Variants in SLC8A2 observed in about 807,000 individuals in gnomAD.
SLC8A2 encodes sodium/calcium exchanger 2.
Under a neutral mutation model 70.2 loss-of-function variants are expected in SLC8A2, and 14 were observed. That is an observed-to-expected ratio of 0.20 (90% confidence interval 0.13 to 0.31). The LOEUF is 0.31. Among genes scored for constraint, SLC8A2 ranks in the 10% least tolerant of loss-of-function variants. SLC8A2 has a pLI of 1.00. For missense variants in SLC8A2, 779 were observed against 1,320.1 expected (o/e 0.59, Z 6.35); for synonymous variants, 575 against 594.3 (o/e 0.97, Z 0.47).
In SLC8A2 at chr19:47,432,769, AAAT is replaced by A. The variant is rs936676122; in HGVS notation, c.2111-327_2111-325del. ...GGGGCATGACTGAGTCCAGGTAAAA[AAAT>A]TTTACTTTCCCAGAATCCCTTGCAC... On this transcript the variant is annotated intron_variant, in intron 8 of 9. Transcript: ENST00000236877. The surrounding 1 kb of genome is among the most constrained non-coding windows in gnomAD (Gnocchi z 6.2). Among the ~76,000 whole-genome samples, 2 of 152,096 alleles carry A rather than the reference AAAT, an allele frequency of 1.3e-5. No individual in the cohort carries two copies. Among genetic ancestry groups the A allele is most frequent in the African/African-American group, 4.8e-5 (2 of 41,412 alleles).
intron 2 of SLC8A2, among the ~76,000 whole-genome samples, chr19:47,461,208 C>T (rs546171670): frequency 7.4e-5 from 11 of 148,242 alleles, no homozygotes; most frequent in Admixed American, 5.4e-4. Context: ...AGAGTATTTA[C>T]GATGACAAGG....
chr19:47,441,358 A>T lies in SLC8A2; in HGVS notation c.1846T>A (p.Trp616Arg). 6.2e-7 allele frequency: 1 copy of T among 1,613,402 alleles called. No homozygotes were observed. The highest frequency in any genetic ancestry group is 1.1e-5 in the South Asian group (1 of 91,072). The change falls in exon 5 of 10, where the codon TGG becomes AGG. Residue 616 changes from tryptophan (W) to arginine (R), a missense_variant. Physicochemically the swap from Trp to Arg is moderately radical, Grantham distance 101. This residue lies in a region of SLC8A2 where 247 missense variants were observed against 362.8 expected (regional missense o/e 0.68). Transcript: ENST00000236877. ...NFFIELGQPQ[W>R]LKRGISALLL... Reference sequence around the variant, plus strand: ...TCACCTGAAATCCCTCGCTTAAGCCACTGGGGCTGGCCCAGCTCAATGAAG... The same window carrying T: ...TCACCTGAAATCCCTCGCTTAAGCCTCTGGGGCTGGCCCAGCTCAATGAAG...
At chr19:47,463,502 C>CT (rs1967422167) in intron 2 of SLC8A2, among the ~76,000 whole-genome samples, 1 of 148,912 alleles carries the variant, frequency 6.7e-6, no homozygotes, top group Admixed American at 6.6e-5. Flanking sequence ...GAGGCTGAGG[C>CT]GGGCAGATCA....
intron 2 of SLC8A2, among the ~76,000 whole-genome samples, chr19:47,462,675 C>T (rs1967410614): frequency 6.6e-6 from 1 of 151,136 alleles, no homozygotes; most frequent in Non-Finnish European, 1.5e-5. Context: ...GCAAACTTCA[C>T]CTCCCAGGTT....
In SLC8A2 at chr19:47,465,609, C is replaced by T. The variant is rs569798117; in HGVS notation, c.675+120G>A. Reference sequence around the variant, plus strand: ...GACCTGCACAACCGTACTTGGCAGCCCTCTCAGATGTGAGTGTGCATTTCT... The same window carrying T: ...GACCTGCACAACCGTACTTGGCAGCTCTCTCAGATGTGAGTGTGCATTTCT... On this transcript the variant is annotated intron_variant, in intron 2 of 9. Coordinates refer to ENST00000236877, the MANE Select transcript of SLC8A2 (RefSeq NM_015063.3). The surrounding 1 kb of genome is among the most constrained non-coding windows in gnomAD (Gnocchi z 5.5). The T allele has an allele frequency of 1.4e-5, 12 of 882,940 alleles. No homozygotes were observed. The South Asian group carries it at 2.1e-4, about 16-fold the overall frequency. The allele number at this position is 882,940 out of a possible 1,614,324, so 54.7% of individuals were successfully genotyped here. A position where few individuals can be genotyped will look rare whatever the true frequency, so the allele number is the denominator to read the frequency against.
At chr19:47,456,267 C>T (rs1204878410) in intron 3 of SLC8A2, among the ~76,000 whole-genome samples, 1 of 152,222 alleles carries the variant, frequency 6.6e-6, no homozygotes, top group East Asian at 1.9e-4. Context: ...TCTCATTCAT[C>T]ATGTGCACTG....
In SLC8A2 at chr19:47,466,070, C is replaced by T; in HGVS notation, c.334G>A (p.Ala112Thr). 6.2e-7 allele frequency: 1 copy of T among 1,614,198 alleles called. No homozygotes were observed. The highest frequency in any genetic ancestry group is 2.2e-5 in the East Asian group (1 of 44,886). The change falls in exon 2 of 10, where the codon GCC becomes ACC. Residue 112 changes from alanine to threonine, a missense_variant. Coordinates refer to ENST00000236877, the MANE Select transcript of SLC8A2 (RefSeq NM_015063.3). The surrounding 1 kb of genome is among the most constrained non-coding windows in gnomAD (Gnocchi z 6.9). ...SKEKEITITK[A>T]NGETSVGTVR... ...GTGCCCACGCTGGTCTCACCGTTGG[C>T]CTTGGTGATGGTGATCTCCTTCTCT...
Position 47,447,658 on chromosome 19 carries a change from G to C in SLC8A2, c.1763+151C>G. On this transcript the variant is annotated intron_variant, in intron 4 of 9. Coordinates refer to ENST00000236877, the MANE Select transcript of SLC8A2 (RefSeq NM_015063.3). This position sits in a 1 kb window ranked among gnomAD's most constrained non-coding sequence, Gnocchi z 5.1. The stretch of plus-strand genomic sequence containing the variant: ...GTCACAGGCCCCGCCCACGTTGCGG[G>C]CACGGCCACGCAGGCCCCTCCCCTC... The C allele has an allele frequency of 5.2e-6, 4 of 762,388 alleles. No individual in the cohort carries two copies. The highest frequency in any genetic ancestry group is 3.1e-5 in the East Asian group (1 of 32,098). The allele number at this position is 762,388 out of a possible 1,614,324, so 47.2% of individuals were successfully genotyped here. A position where few individuals can be genotyped will look rare whatever the true frequency, so the allele number is the denominator to read the frequency against.
intron 2 of SLC8A2, among the ~76,000 whole-genome samples, chr19:47,458,997 C>G (rs1208983259): frequency 6.6e-6 from 1 of 150,608 alleles, no homozygotes; most frequent in Non-Finnish European, 1.5e-5. Flanking sequence ...TCTCCCCACC[C>G]CCTTTTCTCT....
Position 47,465,125 on chromosome 19 carries a change from G to T in SLC8A2, c.675+604C>A, listed in dbSNP as rs1967441583. 6.6e-6 allele frequency among the ~76,000 whole-genome samples: 1 copy of T among 152,098 alleles called. No individual in the cohort carries two copies. Among genetic ancestry groups the T allele is most frequent in the African/African-American group, 2.4e-5 (1 of 41,392 alleles). ...TATGCAAACCGTGATTACATATCTG[G>T]CAAATGGCTAAATTATGCAGATGTA... On this transcript the variant is annotated intron_variant, in intron 2 of 9. Transcript: ENST00000236877. The surrounding 1 kb of genome is among the most constrained non-coding windows in gnomAD (Gnocchi z 5.5).
Position 47,447,042 on chromosome 19 carries a change from C to G in SLC8A2, c.1763+767G>C, listed in dbSNP as rs528207353. Among the ~76,000 whole-genome samples the G allele has an allele frequency of 3.3e-5, 5 of 151,682 alleles. No individual in the cohort carries two copies. The highest frequency in any genetic ancestry group is 1.2e-4 in the African/African-American group (5 of 41,260). On this transcript the variant is annotated intron_variant, in intron 4 of 9. Transcript: ENST00000236877. This position sits in a 1 kb window ranked among gnomAD's most constrained non-coding sequence, Gnocchi z 5.1. ...CCAGGCCCCCAGATTCCAGCACCAT[C>G]TTTTCCCAAATCCTCGCCCAGATTC...
chr19:47,447,635 C>T lies in SLC8A2; in HGVS notation c.1763+174G>A. 4.6e-6 allele frequency: 2 copies of T among 438,468 alleles called. No homozygotes were observed. Among genetic ancestry groups the T allele is most frequent in the South Asian group, 2.5e-5 (1 of 40,724 alleles). 27.2% of individuals were successfully genotyped at this position (438,468 alleles called of 1,614,324 possible). On this transcript the variant is annotated intron_variant, in intron 4 of 9. Transcript: ENST00000236877. This position sits in a 1 kb window ranked among gnomAD's most constrained non-coding sequence, Gnocchi z 5.1. ...CCCCGCCCACGTCGTGGGCATGGGT[C>T]ACAGGCCCCGCCCACGTTGCGGGCA...
intron 6 of SLC8A2, among the ~76,000 whole-genome samples, chr19:47,440,780 G>A (rs148457515): frequency 0.02 from 3,079 of 152,038 alleles, 47 homozygotes; most frequent in Non-Finnish European, 0.032. Context: ...TAATAGAGAC[G>A]GAGTTTCACC....
chr19:47,454,566 C>G (rs1472006479), intron 3 of SLC8A2, among the ~76,000 whole-genome samples: 1 of 152,034 alleles, frequency 6.6e-6, no homozygotes, highest in Non-Finnish European at 1.5e-5. Context: ...GTGGGAGGAT[C>G]AGTTTAGCCC....
chr19:47,435,869 C>T (rs1189521057), intron 8 of SLC8A2, among the ~76,000 whole-genome samples: 2 of 152,056 alleles, frequency 1.3e-5, no homozygotes, highest in Non-Finnish European at 2.9e-5. Context: ...TTTCTACAGC[C>T]TCTACCCACA....
intron 6 of SLC8A2, among the ~76,000 whole-genome samples, chr19:47,440,918 A>C (rs1255101238): frequency 2.0e-5 from 3 of 152,092 alleles, no homozygotes; most frequent in Admixed American, 6.6e-5. Flanking sequence ...GTATCTTTAC[A>C]AGAGATGGGG....
chr19:47,442,049 C>T (rs902134006), intron 4 of SLC8A2, among the ~76,000 whole-genome samples: 5 of 152,150 alleles, frequency 3.3e-5, no homozygotes, highest in Non-Finnish European at 7.3e-5. Flanking sequence ...TTGCAGTGAG[C>T]TGAGATCATG....
intron 6 of SLC8A2, 147 bp from the exon 7 acceptor site, chr19:47,438,120 G>C (rs1398450359): frequency 2.2e-6 from 2 of 910,640 alleles, no homozygotes; most frequent in Non-Finnish European, 3.3e-6. Flanking sequence ...CCTCCCACCT[G>C]ACCACCGTCT....
chr19:47,441,589 G>C (rs1967100749), intron 4 of SLC8A2, 149 bp from the exon 5 acceptor site: 1 of 600,506 alleles, frequency 1.7e-6, no homozygotes, highest in East Asian at 2.8e-5. Flanking sequence ...CCACCACGCA[G>C]GGAGGAAGGC....
Sources: gnomAD v4.1 joint callset for allele counts (sites outside exome capture counted in the v4.1 genomes callset) on GRCh38, gnomAD v4.1.1 for gene constraint, gnomAD v4.1.1 regional missense constraint, Gnocchi (gnomAD v3.1) non-coding constraint, MANE v1.5 for transcripts, NCBI Gene and HGNC (gene_info 2026-07-23, HGNC 2026-07-21) for gene names.